CSNK1A1: variants seen among roughly 807,000 people sequenced by gnomAD.
CSNK1A1 encodes casein kinase I isoform alpha.
Under a neutral mutation model 46.1 loss-of-function variants are expected in CSNK1A1, and 7 were observed. That is an observed-to-expected ratio of 0.15 (90% confidence interval 0.09 to 0.29). CSNK1A1 has a LOEUF of 0.29. CSNK1A1 is among the 10% of genes least tolerant of loss of function. The pLI, the probability that CSNK1A1 is intolerant of heterozygous loss-of-function variation, is 1.00. For synonymous variants in CSNK1A1, 137 were observed against 141.5 expected (o/e 0.97, Z 0.23); for missense variants, 96 against 417.1 (o/e 0.23, Z 6.71).
chr5:149,506,944 T>C (rs931240036), intron 8 of CSNK1A1, 83 bp downstream of exon 8: 2 of 1,014,386 alleles, frequency 2.0e-6, no homozygotes, highest in African/African-American at 1.6e-5. Context: ...TTTACTTTAG[T>C]ATTTATCAGA....
chr5:149,520,647 G>C (rs1761539430), intron 3 of CSNK1A1, among the ~76,000 whole-genome samples: 2 of 152,124 alleles, frequency 1.3e-5, no homozygotes, highest in African/African-American at 4.8e-5. Flanking sequence ...GGAAGACTTG[G>C]TGTTTGTGAT....
At position 149,515,405 on chromosome 5, in the gene CSNK1A1, T is replaced by G. The variant is rs367874678; in HGVS notation, c.457-2196A>C. On this transcript the variant is annotated intron_variant, in intron 4 of 9. Transcript: ENST00000377843. Reference sequence around the variant, plus strand: ...TAAAAATTCAGTGTTCGCTGGAGAGTTCTTTCCTCCCACAACGCTAAAGGA... The same window carrying G: ...TAAAAATTCAGTGTTCGCTGGAGAGGTCTTTCCTCCCACAACGCTAAAGGA... Among the ~76,000 whole-genome samples, 5 of 152,302 alleles carry G rather than the reference T, an allele frequency of 3.3e-5. No homozygotes were observed. The East Asian group carries it at 9.6e-4, about 29-fold the overall frequency.
chr5:149,525,319 T>A lies in CSNK1A1; in HGVS notation c.231-148A>T. On this transcript the variant is annotated intron_variant, in intron 2 of 9. Coordinates refer to ENST00000377843, the MANE Select transcript of CSNK1A1 (RefSeq NM_001892.6). The surrounding 1 kb of genome is among the most constrained non-coding windows in gnomAD (Gnocchi z 4.2). Reference sequence around the variant, plus strand: ...TCAGAAGACAAACCCACTAATTAACTACAAGGCCCAAAGACAAAACAAGGG... The same window carrying A: ...TCAGAAGACAAACCCACTAATTAACAACAAGGCCCAAAGACAAAACAAGGG... The A allele has an allele frequency of 2.4e-6, 2 of 821,212 alleles. No homozygotes were observed. The highest frequency in any genetic ancestry group is 3.5e-6 in the Non-Finnish European group (2 of 566,578). The allele number at this position is 821,212 out of a possible 1,614,324, so 50.9% of individuals were successfully genotyped here.
chr5:149,521,298 G>GTC, intron 3 of CSNK1A1, among the ~76,000 whole-genome samples: 1 of 146,440 alleles, frequency 6.8e-6, no homozygotes, highest in East Asian at 2.0e-4. Context: ...TTGAGACAGG[G>GTC]TCTCACTGTC....
At chr5:149,498,339 A>G (rs540273018) in intron 9 of CSNK1A1, 4 of 985,410 alleles carry the variant, frequency 4.1e-6, no homozygotes, top group African/African-American at 1.7e-5. Context: ...GAAAGATAAC[A>G]TAACTTTGAG....
rs182670663 is a variant in CSNK1A1 at position 149,499,070 on chromosome 5, G to A, written c.1007-2210C>T. 5.1e-6 allele frequency: 5 copies of A among 985,374 alleles called. No homozygotes were observed. The Admixed American group carries it at 3.1e-4, about 61-fold the overall frequency. 61.0% of individuals were successfully genotyped at this position (985,374 alleles called of 1,614,324 possible). On this transcript the variant is annotated intron_variant, in intron 9 of 9. Coordinates refer to ENST00000377843, the MANE Select transcript of CSNK1A1 (RefSeq NM_001892.6). Reference sequence around the variant, plus strand: ...CCAGCCAGGGATCAACATTTCTCCAGTGAATTGTCCTAAGATGTTACTGAA... The same window carrying A: ...CCAGCCAGGGATCAACATTTCTCCAATGAATTGTCCTAAGATGTTACTGAA...
chr5:149,525,290 C>T lies in CSNK1A1; in HGVS notation c.231-119G>A. 1.9e-6 allele frequency: 2 copies of T among 1,063,390 alleles called. No individual in the cohort carries two copies. The allele number at this position is 1,063,390 out of a possible 1,614,324, so 65.9% of individuals were successfully genotyped here. A position where few individuals can be genotyped will look rare whatever the true frequency, so the allele number is the denominator to read the frequency against. ...GGTATTATATAAGGCGAATGTTCCC[C>T]TACTCAGAAGACAAACCCACTAATT... On this transcript the variant is annotated intron_variant, in intron 2 of 9. Transcript: ENST00000377843. The surrounding 1 kb of genome is among the most constrained non-coding windows in gnomAD (Gnocchi z 4.2).
chr5:149,509,907 A>G lies in CSNK1A1; in HGVS notation c.722T>C (p.Met241Thr). ...QKYEKISEKK[M>T]STPVEVLCKG... is the part of the protein sequence containing the mutation. ...ACATAAAACTTCAACAGGCGTGGACATCTTCTTTTCACTAATCTTTTCATA... is the reference window on the plus strand; with the variant it reads ...ACATAAAACTTCAACAGGCGTGGACGTCTTCTTTTCACTAATCTTTTCATA... The change falls in exon 7 of 10, where the codon ATG becomes ACG. Residue 241 changes from methionine to threonine, a missense_variant. Physicochemically the swap from Met to Thr is moderately conservative, Grantham distance 81 (BLOSUM62 -1). Coordinates refer to ENST00000377843, the MANE Select transcript of CSNK1A1 (RefSeq NM_001892.6). 6.2e-7 allele frequency: 1 copy of G among 1,611,206 alleles called. No homozygotes were observed. The highest frequency in any genetic ancestry group is 8.5e-7 in the Non-Finnish European group (1 of 1,178,546).
chr5:149,545,159 C>A (rs1184988192), intron 2 of CSNK1A1, among the ~76,000 whole-genome samples: 1 of 151,576 alleles, frequency 6.6e-6, no homozygotes, highest in Non-Finnish European at 1.5e-5. Context: ...TGGGAGTGGG[C>A]TGGGGTTCAG....
intron 4 of CSNK1A1, among the ~76,000 whole-genome samples, chr5:149,516,004 AC>A (rs1761388486): frequency 6.6e-6 from 1 of 152,212 alleles, no homozygotes; most frequent in Admixed American, 6.5e-5. Context: ...CTTCAAAGGC[AC>A]AGGGAACTGA....
chr5:149,516,469 G>C (rs145285630), intron 4 of CSNK1A1, among the ~76,000 whole-genome samples: 1 of 149,852 alleles, frequency 6.7e-6, no homozygotes, highest in South Asian at 2.1e-4. Context: ...AGTACTTGCA[G>C]CATTTTTTTT....
chr5:149,513,801 G>A (rs1761310631), intron 4 of CSNK1A1, among the ~76,000 whole-genome samples: 1 of 151,926 alleles, frequency 6.6e-6, no homozygotes, highest in Admixed American at 6.6e-5. Flanking sequence ...ACAAGAGGCT[G>A]AGGCAGGAGA....
Position 149,517,494 on chromosome 5 carries a change from A to C in CSNK1A1, c.456+2796T>G, listed in dbSNP as rs1301137111. 6.6e-6 allele frequency among the ~76,000 whole-genome samples: 1 copy of C among 152,218 alleles called. No homozygotes were observed. The stretch of plus-strand genomic sequence containing the variant: ...TCTATCTCAAGTTTACTATTAGGTA[A>C]ACAATTTCAGTACTAGACCAACATC... On this transcript the variant is annotated intron_variant, in intron 4 of 9. Transcript: ENST00000377843. The surrounding 1 kb of genome is among the most constrained non-coding windows in gnomAD (Gnocchi z 4.4).
At chr5:149,524,826 T>G (rs1165668012) in intron 3 of CSNK1A1, among the ~76,000 whole-genome samples, 1 of 152,196 alleles carries the variant, frequency 6.6e-6, no homozygotes, top group East Asian at 1.9e-4. Context: ...AGGAGCAGAT[T>G]GAAAACTACT....
chr5:149,502,726 C>A lies in CSNK1A1; in HGVS notation c.1006+2721G>T, dbSNP rs549542079. The A allele has an allele frequency of 2.0e-6, 2 of 983,394 alleles. 1 individual carries two copies. Among genetic ancestry groups the A allele is most frequent in the East Asian group, 2.3e-4 (2 of 8,716 alleles). The allele number at this position is 983,394 out of a possible 1,614,324, so 60.9% of individuals were successfully genotyped here. ...TAGGATGTTTTCATCATTATTAAAA[C>A]GATTTATTATTGGGATCAATGAATC... On this transcript the variant is annotated intron_variant, in intron 9 of 9. Coordinates refer to ENST00000377843, the MANE Select transcript of CSNK1A1 (RefSeq NM_001892.6).
intron 8 of CSNK1A1, 143 bp downstream of exon 8, chr5:149,506,884 C>T (rs1761050388): frequency 3.2e-6 from 2 of 628,314 alleles, no homozygotes; most frequent in Admixed American, 6.6e-5. Context: ...CCAAATTAGT[C>T]CCAAATAAAT....
chr5:149,516,100 A>G (rs1761391251), intron 4 of CSNK1A1, among the ~76,000 whole-genome samples: 1 of 152,190 alleles, frequency 6.6e-6, no homozygotes, highest in Non-Finnish European at 1.5e-5. Context: ...CAGGTGGATC[A>G]CTTGAGGTCA....
At chr5:149,500,380 G>A (rs10073819) in intron 9 of CSNK1A1, among the ~76,000 whole-genome samples, 16,304 of 151,720 alleles carry the variant, frequency 0.11, 1,051 homozygotes, top group African/African-American at 0.16. Context: ...CTTGTGATCC[G>A]CCCGCCTCGG....
At chr5:149,497,358 A>T in intron 9 of CSNK1A1, 4 of 986,414 alleles carry the variant, frequency 4.1e-6, no homozygotes, top group Non-Finnish European at 4.8e-6. Flanking sequence ...CCTGAGAAGC[A>T]TGTAATTTCT....
Sources: allele counts gnomAD v4.1 joint callset (sites outside exome capture counted in the v4.1 genomes callset), GRCh38; gene constraint gnomAD v4.1.1; non-coding constraint Gnocchi (gnomAD v3.1); transcripts MANE v1.5; gene names NCBI Gene and HGNC (gene_info 2026-07-23, HGNC 2026-07-21).